The following XRRA1 variants were observed in gnomAD, a reference collection of about 807,000 sequenced individuals.
XRRA1 encodes X-ray radiation resistance associated 1, also known as X-ray radiation resistance-associated protein 1.
Under a neutral mutation model 80.2 loss-of-function variants are expected in XRRA1, and 69 were observed. The observed-to-expected ratio is 0.86, with a 90% CI of 0.71 to 1.05. XRRA1 has a LOEUF of 1.05. XRRA1 is among the 50% of genes least tolerant of loss of function. The pLI, the probability that XRRA1 is intolerant of heterozygous loss-of-function variation, is 0.00. For synonymous variants in XRRA1, 348 were observed against 389.9 expected (o/e 0.89, Z 1.27); for missense variants, 967 against 976.4 (o/e 0.99, Z 0.13).
chr11:74,939,157 G>A (rs1945758995), intron 3 of XRRA1, among the ~76,000 whole-genome samples: 1 of 152,074 alleles, frequency 6.6e-6, no homozygotes, highest in Non-Finnish European at 1.5e-5. Flanking sequence ...TTCGAGACCA[G>A]TCTGGCCATC....
intron 10 of XRRA1, among the ~76,000 whole-genome samples, chr11:74,882,769 G>A (rs1321607967): frequency 2.0e-5 from 3 of 151,858 alleles, no homozygotes; most frequent in East Asian, 3.9e-4. Flanking sequence ...GTACCCTGCC[G>A]TGTGAGGTGT....
At chr11:74,901,817 C>T (rs567855197) in intron 10 of XRRA1, among the ~76,000 whole-genome samples, 2 of 152,246 alleles carry the variant, frequency 1.3e-5, no homozygotes, top group African/African-American at 4.8e-5. Context: ...GAAACACCTA[C>T]AAGAAAACAT....
chr11:74,846,480 A>C (rs1290097952), intron 15 of XRRA1, among the ~76,000 whole-genome samples: 1 of 152,224 alleles, frequency 6.6e-6, no homozygotes, highest in African/African-American at 2.4e-5. Flanking sequence ...AAGACATCAC[A>C]AGAAAGGAAA....
intron 8 of XRRA1, among the ~76,000 whole-genome samples, chr11:74,914,444 T>G (rs1203695048): frequency 6.6e-6 from 1 of 152,246 alleles, no homozygotes; most frequent in Non-Finnish European, 1.5e-5. Flanking sequence ...ATTGGGCATA[T>G]GACTCAGCAG....
chr11:74,847,538 C>T (rs150376011), intron 15 of XRRA1, among the ~76,000 whole-genome samples: 1 of 151,776 alleles, frequency 6.6e-6, no homozygotes, highest in African/African-American at 2.4e-5. Flanking sequence ...GCTGCTATAT[C>T]TTCACCTTTT....
intron 15 of XRRA1, among the ~76,000 whole-genome samples, chr11:74,847,340 C>G (rs1319467869): frequency 6.6e-6 from 1 of 152,144 alleles, no homozygotes; most frequent in African/African-American, 2.4e-5. Flanking sequence ...GCAGGGAGAT[C>G]AGGGAGAGGG....
chr11:74,918,552 T>C (rs998036401), intron 8 of XRRA1, among the ~76,000 whole-genome samples: 1 of 152,172 alleles, frequency 6.6e-6, no homozygotes, highest in Non-Finnish European at 1.5e-5. Context: ...GCAGTTGCTA[T>C]TGTTGTATGG....
At chr11:74,884,640 A>C (rs778538480) in intron 10 of XRRA1, among the ~76,000 whole-genome samples, 2 of 152,266 alleles carry the variant, frequency 1.3e-5, no homozygotes, top group East Asian at 3.9e-4. Flanking sequence ...TCTTTCACCT[A>C]TTAAACTTAC....
chr11:74,894,805 A>G (rs2051818898), intron 10 of XRRA1, among the ~76,000 whole-genome samples: 1 of 152,224 alleles, frequency 6.6e-6, no homozygotes, highest in African/African-American at 2.4e-5. Context: ...TCTCTTAAAA[A>G]TGTCATCTAT....
chr11:74,939,188 T>TA (rs1255173409), intron 3 of XRRA1, among the ~76,000 whole-genome samples: 3 of 151,810 alleles, frequency 2.0e-5, no homozygotes, highest in African/African-American at 4.8e-5. Flanking sequence ...CCCATCTCTA[T>TA]AAAAAATACA....
chr11:74,936,950 C>A lies in XRRA1; in HGVS notation c.213G>T (p.Gly71=), dbSNP rs1227125471. The part of the protein sequence containing the change: ...SLKATSFEFK[G]KKESRRENQV... ...GATTTTCCCGCCGAGACTCTTTCTT[C>A]CCCTTGAACTCAAAAGAAGTCGCCT... Residue 71 remains glycine, a synonymous_variant, in exon 4 of 19, where the codon GGG becomes GGT. Transcript: ENST00000684022. 6.2e-7 allele frequency: 1 copy of A among 1,613,878 alleles called. No individual in the cohort carries two copies. The highest frequency in any genetic ancestry group is 1.1e-5 in the South Asian group (1 of 91,040).
At chr11:74,865,726 C>T (rs575043615) in intron 10 of XRRA1, among the ~76,000 whole-genome samples, 29 of 152,358 alleles carry the variant, frequency 1.9e-4, no homozygotes, top group Non-Finnish European at 2.9e-4. Context: ...CCTCTGGCTA[C>T]AGCTGGGACC....
At chr11:74,928,590 T>C (rs1013054037) in intron 6 of XRRA1, among the ~76,000 whole-genome samples, 3 of 152,182 alleles carry the variant, frequency 2.0e-5, no homozygotes, top group Admixed American at 2.0e-4. Context: ...GGGAACTCCA[T>C]TGAAGAGAAA....
intron 10 of XRRA1, among the ~76,000 whole-genome samples, chr11:74,891,152 C>A (rs1352759533): frequency 2.0e-5 from 3 of 152,156 alleles, no homozygotes; most frequent in African/African-American, 7.2e-5. Context: ...CAAAAATCCT[C>A]AATAAAATAC....
chr11:74,913,848 G>A (rs976229793), intron 8 of XRRA1: 5 of 152,040 alleles, frequency 3.3e-5, no homozygotes, highest in African/African-American at 1.2e-4. Flanking sequence ...TTGTTATCCA[G>A]GTATCTGAAG....
At chr11:74,879,126 CTCTT>C (rs2046830848) in intron 10 of XRRA1, among the ~76,000 whole-genome samples, 1 of 149,260 alleles carries the variant, frequency 6.7e-6, no homozygotes, top group Non-Finnish European at 1.5e-5. Context: ...TGTTTGTATC[CTCTT>C]TTATTTCCTT....
chr11:74,946,941 C>T (rs1284863969), intron 1 of XRRA1, among the ~76,000 whole-genome samples: 2 of 152,038 alleles, frequency 1.3e-5, no homozygotes, highest in East Asian at 2.0e-4. Context: ...TTAGTAGAGA[C>T]GGGGTTTCAA....
intron 10 of XRRA1, among the ~76,000 whole-genome samples, chr11:74,890,766 T>G: frequency 6.6e-6 from 1 of 152,228 alleles, no homozygotes; most frequent in Non-Finnish European, 1.5e-5. Context: ...CAGAGAATAC[T>G]ATAAACACCT....
At chr11:74,909,798 C>T (rs1432054973) in intron 8 of XRRA1, 2 of 152,226 alleles carry the variant, frequency 1.3e-5, no homozygotes, top group African/African-American at 4.8e-5. Context: ...AACAGAATTA[C>T]TACTACTTAA....
Sources: allele counts gnomAD v4.1 joint callset (sites outside exome capture counted in the v4.1 genomes callset), GRCh38; gene constraint gnomAD v4.1.1; transcripts MANE v1.5; gene names NCBI Gene and HGNC (gene_info 2026-07-23, HGNC 2026-07-21).